PACRG: variants seen among roughly 807,000 people sequenced by gnomAD.
The protein encoded by PACRG is parkin coregulated, also known as parkin coregulated gene protein.
A neutral mutation model predicts 29.7 loss-of-function variants in PACRG; 29 were observed. The observed-to-expected ratio is 0.98, with a 90% CI of 0.73 to 1.33. The LOEUF is 1.33. Among genes scored for constraint, PACRG ranks in the 40% most tolerant of loss-of-function variants. The probability of loss-of-function intolerance (pLI) is 0.00; values close to 1 mark genes in which losing one functional copy is unlikely to be tolerated. For missense variants in PACRG, 279 were observed against 316.2 expected (o/e 0.88, Z 0.89); for synonymous variants, 116 against 118.7 (o/e 0.98, Z 0.15).
chr6:163,307,632 C>T (rs1785237780), intron 4 of PACRG, among the ~76,000 whole-genome samples: 3 of 152,146 alleles, frequency 2.0e-5, no homozygotes, highest in South Asian at 4.1e-4. Flanking sequence ...GAAGCAGTGG[C>T]TAAGCATGGC....
rs140494875 is a variant in PACRG at position 163,072,770 on chromosome 6, G to A, written c.463+10449G>A. Among the ~76,000 whole-genome samples the A allele has an allele frequency of 6.3e-4, 96 of 152,158 alleles. No individual in the cohort carries two copies. In the East Asian group the frequency reaches 0.011, roughly 17 times the overall value. Reference sequence around the variant, plus strand: ...ACAAATTCGTAAAGTAGCAGGATACGAAATCAACAAACAAAAATCATTAGC... The same window carrying A: ...ACAAATTCGTAAAGTAGCAGGATACAAAATCAACAAACAAAAATCATTAGC... On this transcript the variant is annotated intron_variant, in intron 3 of 4. Transcript: ENST00000366888.
At chr6:162,765,402 A>G (rs757033274) in intron 1 of PACRG, among the ~76,000 whole-genome samples, 2 of 151,960 alleles carry the variant, frequency 1.3e-5, no homozygotes, top group African/African-American at 4.8e-5. Context: ...CTCGCCCCCA[A>G]CTAAACCCTC....
At chr6:163,023,259 T>G (rs1180904300) in intron 2 of PACRG, among the ~76,000 whole-genome samples, 1 of 152,162 alleles carries the variant, frequency 6.6e-6, no homozygotes, top group African/African-American at 2.4e-5. Context: ...CAGTGTCTCT[T>G]GTTTCCTTGT....
In PACRG at chr6:163,269,984, AAAGAAAGAAAGAAAGAAAGAAAGG is replaced by A. The variant is rs1562350491; in HGVS notation, c.614-44841_614-44818del. On this transcript the variant is annotated intron_variant, in intron 4 of 4. Coordinates refer to ENST00000366888, the MANE Select transcript of PACRG (RefSeq NM_001080379.2). ...GAAAGAAAGAAAGAAAGAAAGAAAGAAAGAAAGAAAGAAAGAAAGAAAGGAGGGAGGGAGGGAGGGAGGAAGGAA... is the reference window on the plus strand; with the variant it reads ...GAAAGAAAGAAAGAAAGAAAGAAAGAAGGGAGGGAGGGAGGGAGGAAGGAA... Among the ~76,000 whole-genome samples, 31 of 115,492 alleles carry A rather than the reference AAAGAAAGAAAGAAAGAAAGAAAGG, an allele frequency of 2.7e-4. 4 individuals are homozygous for A. Among genetic ancestry groups the A allele is most frequent in the African/African-American group, 8.1e-4 (25 of 30,830 alleles). 75.8% of individuals were successfully genotyped at this position (115,492 alleles called of 152,430 possible).
intron 4 of PACRG, among the ~76,000 whole-genome samples, chr6:163,144,201 C>G (rs2128335601): frequency 7.2e-6 from 1 of 139,644 alleles, no homozygotes; most frequent in South Asian, 2.4e-4. Flanking sequence ...TGCACTTCAA[C>G]CTGGGAGACA....
At chr6:162,966,481 T>C (rs893079252) in intron 2 of PACRG, among the ~76,000 whole-genome samples, 1 of 150,582 alleles carries the variant, frequency 6.6e-6, no homozygotes, top group Non-Finnish European at 1.5e-5. Flanking sequence ...ACATGTATTT[T>C]TTTTTTTTTT....
At chr6:163,214,207 G>A (rs1000556544) in intron 4 of PACRG, among the ~76,000 whole-genome samples, 6 of 152,134 alleles carry the variant, frequency 3.9e-5, no homozygotes, top group East Asian at 1.9e-4. Context: ...GACTAAGGAC[G>A]TGAATTTTTT....
At chr6:163,282,973 A>G (rs1002685505) in intron 4 of PACRG, among the ~76,000 whole-genome samples, 3 of 152,246 alleles carry the variant, frequency 2.0e-5, no homozygotes, top group Non-Finnish European at 2.9e-5. Flanking sequence ...TTTAGTGGTT[A>G]TCATTTTATT....
chr6:163,291,968 AT>A (rs1784624674), intron 4 of PACRG, among the ~76,000 whole-genome samples: 1 of 152,228 alleles, frequency 6.6e-6, no homozygotes, highest in Non-Finnish European at 1.5e-5. Flanking sequence ...GGGAGCTGAA[AT>A]TTATTCAACA....
chr6:163,011,795 A>G (rs1251893211), intron 2 of PACRG, among the ~76,000 whole-genome samples: 1 of 152,200 alleles, frequency 6.6e-6, no homozygotes. Flanking sequence ...TATTTTTAAA[A>G]TATTTTATTT....
chr6:163,045,789 T>C (rs1256594669), intron 2 of PACRG, among the ~76,000 whole-genome samples: 1 of 151,512 alleles, frequency 6.6e-6, no homozygotes, highest in East Asian at 2.0e-4. Flanking sequence ...CGCCTTTTTG[T>C]ATTTTTAGTA....
intron 4 of PACRG, among the ~76,000 whole-genome samples, chr6:163,109,742 G>A (rs1283886452): frequency 6.6e-6 from 1 of 152,074 alleles, no homozygotes; most frequent in African/African-American, 2.4e-5. Context: ...CTGAATATTG[G>A]GAATAAACAA....
At position 163,099,668 on chromosome 6, in the gene PACRG, C is replaced by T. The variant is rs374150040; in HGVS notation, c.613+10260C>T. 7.9e-5 allele frequency among the ~76,000 whole-genome samples: 12 copies of T among 152,244 alleles called. No individual in the cohort carries two copies. In the South Asian group the frequency reaches 2.5e-3, roughly 32 times the overall value. ...GACTTTTTAAAGGTCTCTTTGTGGACATTGCAGAGAAAGTAAGAATGTCAC... is the reference window on the plus strand; with the variant it reads ...GACTTTTTAAAGGTCTCTTTGTGGATATTGCAGAGAAAGTAAGAATGTCAC... On this transcript the variant is annotated intron_variant, in intron 4 of 4. Transcript: ENST00000366888.
chr6:163,249,015 CAAAAAAA>C (rs57866351), intron 4 of PACRG, among the ~76,000 whole-genome samples: 27 of 107,476 alleles, frequency 2.5e-4, no homozygotes, highest in South Asian at 1.0e-3. Flanking sequence ...GACTCTGTCT[CAAAAAAA>C]AAAAAAAAAA....
chr6:163,200,698 A>G (rs747654967), intron 4 of PACRG, among the ~76,000 whole-genome samples: 42 of 152,198 alleles, frequency 2.8e-4, no homozygotes, highest in Non-Finnish European at 4.6e-4. Flanking sequence ...ACAAACCAAG[A>G]AATACTAAAA....
At chr6:163,291,718 A>G (rs193164346) in intron 4 of PACRG, among the ~76,000 whole-genome samples, 133 of 152,360 alleles carry the variant, frequency 8.7e-4, no homozygotes, top group African/African-American at 3.2e-3. Flanking sequence ...AAAGAAAGAC[A>G]AATGTCTTCC....
intron 2 of PACRG, among the ~76,000 whole-genome samples, chr6:162,994,501 A>C (rs1032098562): frequency 2.6e-5 from 4 of 151,106 alleles, no homozygotes; most frequent in Non-Finnish European, 5.9e-5. Context: ...TTCATCTTCC[A>C]TTGCTGATAC....
chr6:162,927,899 G>A (rs1382104608), intron 2 of PACRG, among the ~76,000 whole-genome samples: 1 of 152,034 alleles, frequency 6.6e-6, no homozygotes, highest in African/African-American at 2.4e-5. Context: ...TCTTTTTCAT[G>A]TGCTGTTGAA....
At chr6:162,943,763 CT>C (rs1798801739) in intron 2 of PACRG, among the ~76,000 whole-genome samples, 1 of 152,176 alleles carries the variant, frequency 6.6e-6, no homozygotes, top group Non-Finnish European at 1.5e-5. Context: ...TAAGGACAGG[CT>C]TACCCAACCT....
Sources: gnomAD v4.1 joint callset for allele counts (sites outside exome capture counted in the v4.1 genomes callset) on GRCh38, gnomAD v4.1.1 for gene constraint, MANE v1.5 for transcripts, NCBI Gene and HGNC (gene_info 2026-07-23, HGNC 2026-07-21) for gene names.